CAMSAP2: variants seen among roughly 807,000 people sequenced by gnomAD.
The protein encoded by CAMSAP2 is calmodulin regulated spectrin associated protein family member 2.
Under a neutral mutation model 146.1 loss-of-function variants are expected in CAMSAP2, and 26 were observed. The ratio of observed to expected loss-of-function variants is 0.18; its 90% CI spans 0.13 to 0.25. The LOEUF (loss-of-function observed/expected upper bound fraction) is 0.25. Among genes scored for constraint, CAMSAP2 ranks in the 10% least tolerant of loss-of-function variants. The pLI, the probability that CAMSAP2 is intolerant of heterozygous loss-of-function variation, is 1.00. For missense variants in CAMSAP2, 1,381 were observed against 1,759.3 expected (o/e 0.78, Z 3.85); for synonymous variants, 499 against 596.6 (o/e 0.84, Z 2.38).
At position 200,847,674 on chromosome 1, in the gene CAMSAP2, T is replaced by C; in HGVS notation, c.1227T>C (p.Val409=). 6.2e-7 allele frequency: 1 copy of C among 1,612,960 alleles called. No individual in the cohort carries two copies. Among genetic ancestry groups the C allele is most frequent in the Non-Finnish European group, 8.5e-7 (1 of 1,179,286 alleles). The change falls in exon 10 of 17, where the codon GTT becomes GTC. Residue 409 remains valine (V), a synonymous_variant. Coordinates refer to ENST00000358823, the MANE Select transcript of CAMSAP2 (RefSeq NM_203459.4). Reference sequence around the variant, plus strand: ...GAAGGTCTTCATCTATGTCTTATGTTGATGGCTTCATAGGGACATGGCCCA... The same window carrying C: ...GAAGGTCTTCATCTATGTCTTATGTCGATGGCTTCATAGGGACATGGCCCA... ...GIRRSSSMSY[V]DGFIGTWPKE... is the part of the protein sequence containing the mutation.
chr1:200,817,743 TTGTC>T (rs1362577470), intron 4 of CAMSAP2, among the ~76,000 whole-genome samples: 6 of 152,344 alleles, frequency 3.9e-5, no homozygotes, highest in Non-Finnish European at 5.9e-5. Context: ...ACGTACAATT[TTGTC>T]TGATTTTGAT....
chr1:200,822,175 C>T (rs945192716), intron 4 of CAMSAP2, among the ~76,000 whole-genome samples: 2 of 145,082 alleles, frequency 1.4e-5, no homozygotes, highest in East Asian at 2.1e-4. Context: ...CACACACACA[C>T]GTAAATTGTT....
intron 1 of CAMSAP2, among the ~76,000 whole-genome samples, chr1:200,746,869 C>T (rs928115511): frequency 9.9e-5 from 15 of 151,954 alleles, no homozygotes; most frequent in East Asian, 5.8e-4. Flanking sequence ...CTGCCCCCCT[C>T]GGCCTCCCAA....
At chr1:200,855,816 C>T (rs1057262821) in intron 14 of CAMSAP2, among the ~76,000 whole-genome samples, 194 bp from the exon 15 acceptor site, 3 of 151,962 alleles carry the variant, frequency 2.0e-5, no homozygotes, top group Non-Finnish European at 4.4e-5. Context: ...AGGCTGATCT[C>T]GAACTTCTGA....
intron 1 of CAMSAP2, among the ~76,000 whole-genome samples, chr1:200,757,573 A>G (rs746703304): frequency 2.0e-5 from 3 of 150,686 alleles, no homozygotes; most frequent in Non-Finnish European, 4.4e-5. Context: ...TTTGCTGTTT[A>G]TTTTCTAATA....
At chr1:200,768,051 A>T (rs1331517967) in intron 2 of CAMSAP2, among the ~76,000 whole-genome samples, 1 of 152,222 alleles carries the variant, frequency 6.6e-6, no homozygotes, top group Non-Finnish European at 1.5e-5. Context: ...CAGACCATTT[A>T]TTAATTTATT....
chr1:200,817,233 T>TACAC (rs1166145429), intron 4 of CAMSAP2, among the ~76,000 whole-genome samples: 3 of 46,464 alleles, frequency 6.5e-5, no homozygotes, highest in African/African-American at 1.8e-4. Flanking sequence ...TGTGTGTATA[T>TACAC]ACACACATAC....
chr1:200,828,447 A>T, intron 4 of CAMSAP2: 1 of 836,180 alleles, frequency 1.2e-6, no homozygotes. Context: ...ATGAAATGTT[A>T]TGAGAACTAT....
intron 2 of CAMSAP2, among the ~76,000 whole-genome samples, chr1:200,771,248 AG>A (rs1665109045): frequency 6.6e-6 from 1 of 152,090 alleles, no homozygotes; most frequent in Non-Finnish European, 1.5e-5. Context: ...GACCACCGAC[AG>A]GAAGATTTAG....
intron 6 of CAMSAP2, among the ~76,000 whole-genome samples, chr1:200,833,562 A>G (rs1571812213): frequency 1.3e-5 from 2 of 148,238 alleles, no homozygotes; most frequent in East Asian, 4.0e-4. Flanking sequence ...CCTGTCTCAA[A>G]AAAAGAAAAA....
intron 1 of CAMSAP2, among the ~76,000 whole-genome samples, chr1:200,753,701 T>C (rs1664572042): frequency 6.6e-6 from 1 of 152,160 alleles, no homozygotes; most frequent in Non-Finnish European, 1.5e-5. Flanking sequence ...GTGCACCCTA[T>C]CTTTTGGCTT....
At chr1:200,825,042 T>G (rs1666869513) in intron 4 of CAMSAP2, among the ~76,000 whole-genome samples, 2 of 151,258 alleles carry the variant, frequency 1.3e-5, no homozygotes, top group Admixed American at 1.3e-4. Flanking sequence ...TTGTTTGCAA[T>G]TTTTTTTTAG....
intron 6 of CAMSAP2, among the ~76,000 whole-genome samples, chr1:200,840,079 A>G (rs1339139005): frequency 6.6e-6 from 1 of 152,154 alleles, no homozygotes; most frequent in African/African-American, 2.4e-5. Context: ...GCTCTTCACC[A>G]CTGTGCATTA....
intron 1 of CAMSAP2, among the ~76,000 whole-genome samples, chr1:200,756,113 A>G (rs540961176): frequency 6.6e-6 from 1 of 152,228 alleles, no homozygotes; most frequent in South Asian, 2.1e-4. Context: ...GAATATGGAG[A>G]AACTAAAACT....
intron 2 of CAMSAP2, among the ~76,000 whole-genome samples, chr1:200,795,050 G>T (rs972308977): frequency 6.6e-6 from 1 of 152,188 alleles, no homozygotes; most frequent in Non-Finnish European, 1.5e-5. Context: ...GTTAGTAAGT[G>T]GCAGAGTTGG....
rs142346651 is a variant in CAMSAP2 at position 200,823,232 on chromosome 1, C to T, written c.645+7588C>T. Among the ~76,000 whole-genome samples the T allele has an allele frequency of 5.9e-5, 9 of 152,284 alleles. No homozygotes were observed. In the East Asian group the frequency reaches 1.5e-3, roughly 26 times the overall value. On this transcript the variant is annotated intron_variant, in intron 4 of 16. Coordinates refer to ENST00000358823, the MANE Select transcript of CAMSAP2 (RefSeq NM_203459.4). ...TACCTGTCTATATAATATTTCTCTA[C>T]TATCTGAATGAGCTTATGGATATGT... is the stretch of plus-strand genomic sequence containing the variant.
At chr1:200,828,999 T>C (rs1657995643) in intron 4 of CAMSAP2, among the ~76,000 whole-genome samples, 2 of 151,446 alleles carry the variant, frequency 1.3e-5, no homozygotes, top group South Asian at 4.2e-4. Flanking sequence ...CTACTAAAAA[T>C]ACAAAATTAG....
intron 1 of CAMSAP2, among the ~76,000 whole-genome samples, chr1:200,754,722 A>G (rs7523261): frequency 0.21 from 31,055 of 151,438 alleles, 4,240 homozygotes; most frequent in Non-Finnish European, 0.32. Context: ...AGCTGGGACT[A>G]CAGGCACCCG....
chr1:200,833,226 G>A (rs1227742398), intron 6 of CAMSAP2, among the ~76,000 whole-genome samples: 2 of 151,738 alleles, frequency 1.3e-5, no homozygotes, highest in East Asian at 1.9e-4. Flanking sequence ...TATACTATAA[G>A]CTACAAGTTT....
Sources: gnomAD v4.1 joint callset for allele counts (sites outside exome capture counted in the v4.1 genomes callset) on GRCh38, gnomAD v4.1.1 for gene constraint, MANE v1.5 for transcripts, NCBI Gene and HGNC (gene_info 2026-07-23, HGNC 2026-07-21) for gene names.